Variants in DOCK2 observed in about 807,000 individuals in gnomAD.
DOCK2 encodes dedicator of cytokinesis protein 2.
DOCK2 carries 87 observed loss-of-function variants against 248.9 expected under a neutral mutation model. The ratio of observed to expected loss-of-function variants is 0.35; its 90% CI spans 0.29 to 0.42. The LOEUF (loss-of-function observed/expected upper bound fraction) is 0.42, where lower values mean the gene tolerates loss of function less well. Among genes scored for constraint, DOCK2 ranks in the 10% least tolerant of loss-of-function variants. DOCK2 has a pLI of 1.00. For missense variants in DOCK2, 1,747 were observed against 2,300.2 expected, an observed-to-expected ratio of 0.76 and a Z score of 4.92; for synonymous variants, 805 against 821.6, an observed-to-expected ratio of 0.98 and a Z score of 0.35.
At chr5:169,906,717 A>G (rs982797130) in intron 27 of DOCK2, among the ~76,000 whole-genome samples, 4 of 152,160 alleles carry the variant, frequency 2.6e-5, no homozygotes, top group Admixed American at 6.5e-5. Flanking sequence ...ATCTAAGCCC[A>G]TTATCTTTCT....
chr5:170,082,113 G>A (rs1758055901), intron 51 of DOCK2, 129 bp downstream of exon 51: 2 of 1,313,388 alleles, frequency 1.5e-6, no homozygotes, highest in Non-Finnish European at 2.1e-6. Context: ...TAGTCAGGAG[G>A]CCCTGAGTTC....
chr5:170,008,696 A>G lies in DOCK2; in HGVS notation c.3182A>G (p.Asp1061Gly). 6.2e-7 allele frequency: 1 copy of G among 1,613,994 alleles called. No homozygotes were observed. The highest frequency in any genetic ancestry group is 8.5e-7 in the Non-Finnish European group (1 of 1,179,960). ...GTTTTTGTTCCTCCTAGGTATGGGGACATGAGACGGCTAATTGGCTTCTCC... is the reference window on the plus strand; with the variant it reads ...GTTTTTGTTCCTCCTAGGTATGGGGGCATGAGACGGCTAATTGGCTTCTCC... ...KYNKILNKYG[D>G]MRRLIGFSIR... is the part of the protein sequence containing the mutation. Residue 1061 changes from aspartate (D) to glycine (G), a missense_variant, in exon 32 of 52, where the codon GAC becomes GGC. Physicochemically the swap from Asp to Gly is moderately conservative, Grantham distance 94 (BLOSUM62 -1). Around this residue, in one of 4 missense-constraint regions of DOCK2, gnomAD observed 858 missense variants for 1,183.5 expected, o/e 0.72. Transcript: ENST00000520908.
At chr5:169,860,377 CT>C (rs1336269957) in intron 27 of DOCK2, among the ~76,000 whole-genome samples, 4 of 152,132 alleles carry the variant, frequency 2.6e-5, no homozygotes, top group Non-Finnish European at 5.9e-5. Context: ...TGAATATGTG[CT>C]TGTTGAGCAC....
Position 169,637,300 on chromosome 5 carries a change from G to A in DOCK2, c.-27G>A, listed in dbSNP as rs927225316. On this transcript the variant is annotated 5_prime_UTR_variant, in exon 1 of 52. Transcript: ENST00000520908. The stretch of plus-strand genomic sequence containing the variant: ...AGCCACCCCCTGACGGCTTCCCCAC[G>A]GGAGGACGCGAGGCCCCGGCCCAGC... 5.6e-6 allele frequency: 8 copies of A among 1,430,544 alleles called. No individual in the cohort carries two copies. Among genetic ancestry groups the A allele is most frequent in the African/African-American group, 3.0e-5 (2 of 67,110 alleles). The allele number at this position is 1,430,544 out of a possible 1,614,324, so 88.6% of individuals were successfully genotyped here.
At chr5:169,926,045 AGTCCATT>A (rs1168331817) in intron 27 of DOCK2, among the ~76,000 whole-genome samples, 4 of 152,156 alleles carry the variant, frequency 2.6e-5, no homozygotes, top group Non-Finnish European at 5.9e-5. Flanking sequence ...TTAGTCTCTG[AGTCCATT>A]GCTTAGAGCT....
At chr5:169,755,615 GT>G (rs1422519162) in intron 23 of DOCK2, among the ~76,000 whole-genome samples, 3 of 152,076 alleles carry the variant, frequency 2.0e-5, no homozygotes, top group African/African-American at 7.2e-5. Flanking sequence ...GTGGTGGCGG[GT>G]GCCTATAATC....
At chr5:169,827,660 T>A (rs373579170) in intron 26 of DOCK2, among the ~76,000 whole-genome samples, 2 of 152,120 alleles carry the variant, frequency 1.3e-5, no homozygotes, top group South Asian at 2.1e-4. Context: ...AAACTATAGA[T>A]CGGAATTCGG....
At chr5:169,820,732 G>A (rs1392664538) in intron 26 of DOCK2, among the ~76,000 whole-genome samples, 1 of 152,208 alleles carries the variant, frequency 6.6e-6, no homozygotes, top group Admixed American at 6.5e-5. Context: ...CCAAAGGAAA[G>A]CAGCTCCTCA....
intron 25 of DOCK2, among the ~76,000 whole-genome samples, chr5:169,793,869 C>T (rs1766492809): frequency 6.6e-6 from 1 of 152,192 alleles, no homozygotes; most frequent in South Asian, 2.1e-4. Flanking sequence ...CCAAGTGTGC[C>T]TCCCTGAAAT....
intron 22 of DOCK2, among the ~76,000 whole-genome samples, chr5:169,744,072 G>A (rs1763472142): frequency 6.6e-6 from 1 of 151,994 alleles, no homozygotes; most frequent in African/African-American, 2.4e-5. Flanking sequence ...GACATGAATA[G>A]CAAGGAGCAG....
chr5:169,840,920 A>G, intron 27 of DOCK2, 68 bp downstream of exon 27: 1 of 1,517,122 alleles, frequency 6.6e-7, no homozygotes, highest in Non-Finnish European at 9.0e-7. Flanking sequence ...ATTTTCTGAA[A>G]AGGCAGATCA....
chr5:169,704,634 A>C (rs1761146513), intron 14 of DOCK2, among the ~76,000 whole-genome samples: 2 of 152,180 alleles, frequency 1.3e-5, no homozygotes, highest in African/African-American at 4.8e-5. Flanking sequence ...AAACAACTAA[A>C]AGAGTATGAT....
chr5:169,947,273 A>T (rs984539769), intron 27 of DOCK2, among the ~76,000 whole-genome samples: 1 of 152,226 alleles, frequency 6.6e-6, no homozygotes, highest in African/African-American at 2.4e-5. Context: ...TGTATTAACA[A>T]AATGTTCCAA....
At chr5:169,805,740 C>T (rs1192016560) in intron 26 of DOCK2, among the ~76,000 whole-genome samples, 1 of 152,186 alleles carries the variant, frequency 6.6e-6, no homozygotes, top group African/African-American at 2.4e-5. Flanking sequence ...TGCTTGCTGT[C>T]TTACACACCC....
chr5:169,888,056 T>C (rs992579755), intron 27 of DOCK2, among the ~76,000 whole-genome samples: 78 of 151,664 alleles, frequency 5.1e-4, no homozygotes, highest in Non-Finnish European at 3.5e-4. Flanking sequence ...AAGTTGAAAA[T>C]GAAAATTTGA....
intron 27 of DOCK2, among the ~76,000 whole-genome samples, chr5:169,887,028 A>G (rs142933227): frequency 5.6e-4 from 85 of 152,330 alleles, no homozygotes; most frequent in Middle Eastern, 3.4e-3. Context: ...AGATGAATAT[A>G]TTTATACCAA....
Position 169,699,464 on chromosome 5 carries a change from G to A in DOCK2, c.1132+6G>A. 3 of 1,611,366 alleles carry A rather than the reference G, an allele frequency of 1.9e-6. No homozygotes were observed. The South Asian group carries it at 3.3e-5, about 18-fold the overall frequency. On this transcript the variant is annotated splice_donor_region_variant and intron_variant, in intron 12 of 51. Transcript: ENST00000520908. ...GGGGGACAGTGGAGGGCAAGGTAAA[G>A]TGCCAATATGCCAGTGGGCTGAGCC...
At chr5:170,025,255 GA>G (rs1230766678) in intron 33 of DOCK2, among the ~76,000 whole-genome samples, 1 of 152,190 alleles carries the variant, frequency 6.6e-6, no homozygotes, top group African/African-American at 2.4e-5. Context: ...CTGGCCCACA[GA>G]CCAAATCCAT....
intron 27 of DOCK2, among the ~76,000 whole-genome samples, chr5:169,966,323 A>T (rs1463768442): frequency 6.6e-6 from 1 of 152,210 alleles, no homozygotes; most frequent in Non-Finnish European, 1.5e-5. Flanking sequence ...GGCATGACTC[A>T]GAGTTTAAAA....
Sources: allele counts gnomAD v4.1 joint callset (sites outside exome capture counted in the v4.1 genomes callset), GRCh38; gene constraint gnomAD v4.1.1; regional missense constraint gnomAD v4.1.1; transcripts MANE v1.5; gene names NCBI Gene and HGNC (gene_info 2026-07-23, HGNC 2026-07-21).